Variants in ZFHX3 observed in about 807,000 individuals in gnomAD.
ZFHX3 encodes zinc finger homeobox protein 3.
ZFHX3 carries 42 observed loss-of-function variants against 279.1 expected under a neutral mutation model. The observed-to-expected ratio is 0.15, with a 90% CI of 0.12 to 0.19. The LOEUF (loss-of-function observed/expected upper bound fraction) is 0.19. Ranked by LOEUF, ZFHX3 falls within the 10% of genes least tolerant of loss-of-function variation. The pLI is 1.00. For missense variants in ZFHX3, 4,981 were observed against 4,754.0 expected, an observed-to-expected ratio of 1.05 and a Z score of -1.40; for synonymous variants, 2,293 against 1,957.8, an observed-to-expected ratio of 1.17 and a Z score of -4.52.
chr16:73,552,932 T>C (rs1056252411), intron 2 of ZFHX3, among the ~76,000 whole-genome samples: 1 of 152,220 alleles, frequency 6.6e-6, no homozygotes, highest in Non-Finnish European at 1.5e-5. Context: ...CTAAGTTTCC[T>C]TCTCGGGATT....
At chr16:73,347,151 CTA>C (rs1354740049) in intron 3 of ZFHX3, among the ~76,000 whole-genome samples, 1 of 152,220 alleles carries the variant, frequency 6.6e-6, no homozygotes, top group African/African-American at 2.4e-5. Flanking sequence ...ACTGCAAAGT[CTA>C]TGTTTACACA....
chr16:72,903,618 T>A (rs2039094905), intron 3 of ZFHX3, among the ~76,000 whole-genome samples: 1 of 152,272 alleles, frequency 6.6e-6, no homozygotes, highest in East Asian at 1.9e-4. Context: ...TGCTCCAGAA[T>A]GCAAGGCCCC....
chr16:73,213,731 G>A (rs939475249), intron 5 of ZFHX3, among the ~76,000 whole-genome samples: 4 of 152,104 alleles, frequency 2.6e-5, no homozygotes, highest in Non-Finnish European at 5.9e-5. Flanking sequence ...AATTTTAGTT[G>A]CTGTTTCTCC....
intron 1 of ZFHX3, among the ~76,000 whole-genome samples, chr16:73,833,044 A>G (rs1961040414): frequency 6.6e-6 from 1 of 152,220 alleles, no homozygotes; most frequent in African/African-American, 2.4e-5. Context: ...AGTTCTCAAA[A>G]ATAGTTGTAG....
At chr16:73,171,162 A>C (rs189244092) in intron 5 of ZFHX3, among the ~76,000 whole-genome samples, 16 of 152,134 alleles carry the variant, frequency 1.1e-4, no homozygotes, top group Admixed American at 1.0e-3. Flanking sequence ...ATTAGATTTC[A>C]TCCCCCCAAA....
intron 1 of ZFHX3, among the ~76,000 whole-genome samples, chr16:73,682,919 A>G (rs2053033150): frequency 2.1e-5 from 1 of 47,490 alleles, no homozygotes; most frequent in Admixed American, 2.1e-4. Context: ...AAAGAAAGAG[A>G]GAAAGAGAAA....
At chr16:73,249,427 A>G (rs1356107397) in intron 5 of ZFHX3, among the ~76,000 whole-genome samples, 1 of 152,218 alleles carries the variant, frequency 6.6e-6, no homozygotes, top group Admixed American at 6.5e-5. Flanking sequence ...AGGCCTTACA[A>G]TCACGGCAGA....
chr16:72,844,297 T>A (rs575923920), intron 4 of ZFHX3, among the ~76,000 whole-genome samples: 2 of 152,278 alleles, frequency 1.3e-5, no homozygotes, highest in South Asian at 4.2e-4. Flanking sequence ...GACCCTTTTT[T>A]CCCTGCCTCT....
At chr16:73,704,523 T>C (rs2053285202) in intron 1 of ZFHX3, among the ~76,000 whole-genome samples, 1 of 152,216 alleles carries the variant, frequency 6.6e-6, no homozygotes, top group African/African-American at 2.4e-5. Flanking sequence ...AGCCGCACTG[T>C]ACTGCACATA....
chr16:73,415,867 C>T (rs1411036416), intron 3 of ZFHX3, among the ~76,000 whole-genome samples: 1 of 152,120 alleles, frequency 6.6e-6, no homozygotes, highest in Non-Finnish European at 1.5e-5. Context: ...TGCCTGTAAT[C>T]CCAGCACTTT....
chr16:73,565,937 A>C (rs1413558924), intron 2 of ZFHX3, among the ~76,000 whole-genome samples: 2 of 152,206 alleles, frequency 1.3e-5, no homozygotes, highest in African/African-American at 4.8e-5. Flanking sequence ...AGTAACACAT[A>C]AAAATTTGGG....
intron 4 of ZFHX3, among the ~76,000 whole-genome samples, chr16:73,301,192 T>G (rs551042619): frequency 6.6e-6 from 1 of 152,332 alleles, no homozygotes; most frequent in East Asian, 1.9e-4. Flanking sequence ...TTAGGAGGAC[T>G]TGGGCAGTTG....
intron 5 of ZFHX3, among the ~76,000 whole-genome samples, chr16:73,199,831 T>C (rs1894255561): frequency 6.6e-6 from 1 of 152,220 alleles, no homozygotes; most frequent in Admixed American, 6.5e-5. Context: ...CACATTCTTG[T>C]TATGCTACTG....
At chr16:73,285,864 C>A (rs1008816727) in intron 4 of ZFHX3, among the ~76,000 whole-genome samples, 3 of 152,196 alleles carry the variant, frequency 2.0e-5, no homozygotes, top group African/African-American at 7.2e-5. Context: ...AAAACACACG[C>A]TTCCGCACAA....
chr16:73,155,569 T>G (rs1341122104), intron 5 of ZFHX3, among the ~76,000 whole-genome samples: 1 of 152,208 alleles, frequency 6.6e-6, no homozygotes, highest in African/African-American at 2.4e-5. Context: ...ATGCCTATAA[T>G]CCCAGCACTT....
chr16:73,587,166 C>T (rs2051936006), intron 2 of ZFHX3, among the ~76,000 whole-genome samples: 1 of 152,170 alleles, frequency 6.6e-6, no homozygotes, highest in Non-Finnish European at 1.5e-5. Flanking sequence ...TGTTTCGAAA[C>T]ATCAGTTCAG....
intron 2 of ZFHX3, among the ~76,000 whole-genome samples, chr16:73,548,620 T>TA (rs72134664): frequency 3.3e-5 from 5 of 152,060 alleles, no homozygotes; most frequent in African/African-American, 9.7e-5. Context: ...TACATTTTTT[T>TA]AAAAATCATC....
chr16:73,350,726 CT>C (rs1372846907), intron 3 of ZFHX3, among the ~76,000 whole-genome samples: 3 of 152,220 alleles, frequency 2.0e-5, no homozygotes, highest in African/African-American at 7.2e-5. Context: ...AGATGGTTGG[CT>C]GCTGTTTATG....
chr16:73,018,208 T>A (rs1964174803), intron 1 of ZFHX3, among the ~76,000 whole-genome samples: 1 of 151,780 alleles, frequency 6.6e-6, no homozygotes, highest in African/African-American at 2.4e-5. Context: ...CCCAGGCTGG[T>A]CTCGAACTCC....
Sources: gnomAD v4.1 joint callset for allele counts (sites outside exome capture counted in the v4.1 genomes callset) on GRCh38, gnomAD v4.1.1 for gene constraint, MANE v1.5 for transcripts, NCBI Gene and HGNC (gene_info 2026-07-23, HGNC 2026-07-21) for gene names.